The following FGF14 variants were observed in gnomAD, a reference collection of about 807,000 sequenced individuals.
FGF14 encodes fibroblast growth factor homologous factor 4.
In FGF14, 5 loss-of-function variants were observed where a neutral mutation model predicts 25.5. That is an observed-to-expected ratio of 0.20 (90% confidence interval 0.10 to 0.41). FGF14 has a LOEUF of 0.41. Ranked by LOEUF, FGF14 falls within the 10% of genes least tolerant of loss-of-function variation. The probability of loss-of-function intolerance (pLI) is 1.00; values close to 1 mark genes in which losing one functional copy is unlikely to be tolerated. For missense variants in FGF14, 222 were observed against 320.1 expected (o/e 0.69, Z 2.34); for synonymous variants, 138 against 118.3 (o/e 1.17, Z -1.08).
intron 3 of FGF14, among the ~76,000 whole-genome samples, chr13:101,750,397 C>A (rs2037194575): frequency 6.6e-6 from 1 of 152,090 alleles, no homozygotes; most frequent in South Asian, 2.1e-4. Context: ...CTGACAATAA[C>A]CTTTAAGGAT....
intron 1 of FGF14, among the ~76,000 whole-genome samples, chr13:102,102,179 C>T (rs2044693792): frequency 2.6e-5 from 4 of 152,142 alleles, no homozygotes; most frequent in Admixed American, 2.0e-4. Context: ...TTTCCAAGTG[C>T]TCTCAGCTAA....
At chr13:102,253,463 G>A (rs542385198) in intron 1 of FGF14, among the ~76,000 whole-genome samples, 4 of 152,254 alleles carry the variant, frequency 2.6e-5, no homozygotes, top group East Asian at 1.9e-4. Flanking sequence ...CTGCATAAAT[G>A]TCTTCTTTTG....
At chr13:102,053,176 A>T (rs568471367) in intron 1 of FGF14, among the ~76,000 whole-genome samples, 15 of 152,188 alleles carry the variant, frequency 9.9e-5, no homozygotes, top group African/African-American at 3.6e-4. Flanking sequence ...ACAATAACAA[A>T]ATAGCAGTGG....
At chr13:101,821,330 TTA>T (rs759034608) in intron 3 of FGF14, among the ~76,000 whole-genome samples, 1 of 152,216 alleles carries the variant, frequency 6.6e-6, no homozygotes, top group Non-Finnish European at 1.5e-5. Flanking sequence ...TTTCTCCTTT[TTA>T]TGTCTGTGAG....
chr13:102,235,222 T>G (rs2051275147), intron 1 of FGF14, among the ~76,000 whole-genome samples: 2 of 152,246 alleles, frequency 1.3e-5, no homozygotes, highest in African/African-American at 4.8e-5. Flanking sequence ...TCTGTAATGT[T>G]TAATCATGCC....
chr13:102,094,931 C>T (rs1346312227), intron 1 of FGF14, among the ~76,000 whole-genome samples: 2 of 152,062 alleles, frequency 1.3e-5, no homozygotes, highest in Non-Finnish European at 2.9e-5. Flanking sequence ...GCCTTTAAGT[C>T]AGGGGGTCCT....
intron 1 of FGF14, among the ~76,000 whole-genome samples, chr13:102,073,929 C>A (rs1369928519): frequency 6.6e-6 from 1 of 152,170 alleles, no homozygotes; most frequent in African/African-American, 2.4e-5. Context: ...ATTCTCAATA[C>A]CAGGCATATT....
intron 1 of FGF14, among the ~76,000 whole-genome samples, chr13:102,238,330 T>C (rs1457698509): frequency 1.3e-5 from 2 of 152,226 alleles, no homozygotes; most frequent in Admixed American, 6.5e-5. Context: ...GTGTAGAATA[T>C]AAAGAATGTT....
chr13:101,901,500 T>C (rs2031545464), intron 1 of FGF14, among the ~76,000 whole-genome samples: 4 of 152,176 alleles, frequency 2.6e-5, no homozygotes, highest in Admixed American at 2.6e-4. Flanking sequence ...GGTCAGGAGT[T>C]CAAGACCAGC....
At chr13:101,864,248 T>C (rs2044575310) in intron 3 of FGF14, among the ~76,000 whole-genome samples, 2 of 152,158 alleles carry the variant, frequency 1.3e-5, no homozygotes, top group African/African-American at 2.4e-5. Flanking sequence ...TGGTCTGCTT[T>C]CAAACTTCTG....
At chr13:102,061,343 G>C (rs935071165) in intron 1 of FGF14, among the ~76,000 whole-genome samples, 8 of 152,328 alleles carry the variant, frequency 5.3e-5, no homozygotes, top group South Asian at 2.1e-4. Context: ...CTGGACTCTA[G>C]ATGCCGCCGT....
chr13:102,319,596 G>A (rs1473261474), intron 1 of FGF14, among the ~76,000 whole-genome samples: 3 of 152,238 alleles, frequency 2.0e-5, no homozygotes, highest in Non-Finnish European at 2.9e-5. Context: ...GCTAGGAGCC[G>A]AACCAGCTGC....
intron 1 of FGF14, among the ~76,000 whole-genome samples, chr13:102,134,575 G>A (rs1437428945): frequency 6.6e-6 from 1 of 152,136 alleles, no homozygotes; most frequent in African/African-American, 2.4e-5. Flanking sequence ...TTTTGGTGTA[G>A]AAATTGTGAG....
At chr13:101,864,455 G>T (rs189505292) in intron 3 of FGF14, among the ~76,000 whole-genome samples, 4 of 152,000 alleles carry the variant, frequency 2.6e-5, no homozygotes, top group Non-Finnish European at 4.4e-5. Flanking sequence ...TAGAATAACC[G>T]GCAGAAGTGA....
chr13:101,763,462 C>G (rs2038173700), intron 3 of FGF14, among the ~76,000 whole-genome samples: 1 of 152,318 alleles, frequency 6.6e-6, no homozygotes, highest in Non-Finnish European at 1.5e-5. Context: ...AAGATTGAGA[C>G]AGGCATAGTG....
intron 1 of FGF14, among the ~76,000 whole-genome samples, chr13:102,338,963 T>C (rs1046993137): frequency 4.0e-5 from 6 of 149,388 alleles, no homozygotes; most frequent in East Asian, 3.9e-4. Context: ...GTCAGCCAAA[T>C]TGTGCTACTG....
intron 1 of FGF14, among the ~76,000 whole-genome samples, chr13:102,328,131 G>C (rs2138814919): frequency 6.6e-6 from 1 of 152,232 alleles, no homozygotes; most frequent in Middle Eastern, 3.4e-3. Flanking sequence ...CTTCTGGAAT[G>C]AAAGGCAGTG....
chr13:101,914,262 A>G (rs924310528), intron 1 of FGF14, among the ~76,000 whole-genome samples: 1 of 151,366 alleles, frequency 6.6e-6, no homozygotes, highest in Non-Finnish European at 1.5e-5. Context: ...TATAATTTAC[A>G]TAACATAAAG....
intron 1 of FGF14, among the ~76,000 whole-genome samples, chr13:102,174,959 G>A (rs781267868): frequency 2.0e-5 from 3 of 151,870 alleles, no homozygotes; most frequent in Non-Finnish European, 2.9e-5. Flanking sequence ...TAACTGGCAC[G>A]AATAAGTGGA....
Sources: gnomAD v4.1 joint callset for allele counts (sites outside exome capture counted in the v4.1 genomes callset) on GRCh38, gnomAD v4.1.1 for gene constraint, MANE v1.5 for transcripts, NCBI Gene and HGNC (gene_info 2026-07-23, HGNC 2026-07-21) for gene names.